The following SRPRB variants were observed in gnomAD, a reference collection of about 807,000 sequenced individuals.
The protein encoded by SRPRB is signal recognition particle receptor subunit beta.
SRPRB carries 20 observed loss-of-function variants against 31.9 expected under a neutral mutation model. That is an observed-to-expected ratio of 0.63 (90% CI 0.44 to 0.91). SRPRB has a LOEUF of 0.91. Ranked by LOEUF, SRPRB falls within the 40% of genes least tolerant of loss-of-function variation. SRPRB has a pLI of 0.00. For synonymous variants in SRPRB, 146 were observed against 132.8 expected, an observed-to-expected ratio of 1.10 and a Z score of -0.68; for missense variants, 321 against 324.9, an observed-to-expected ratio of 0.99 and a Z score of 0.09.
rs201423757 is a variant in SRPRB at position 133,809,882 on chromosome 3, T to C, written c.328-1235T>C. On this transcript the variant is annotated intron_variant, in intron 3 of 6. Coordinates refer to ENST00000678299, the MANE Select transcript of SRPRB (RefSeq NM_001379313.1). The stretch of plus-strand genomic sequence containing the variant: ...CCAATTTCTTTTTACTTTTTTATTA[T>C]GGTTACTGGAATATTTAAAATTACA... 6.6e-5 allele frequency among the ~76,000 whole-genome samples: 10 copies of C among 152,304 alleles called. No individual in the cohort carries two copies. In the East Asian group the frequency reaches 1.9e-3, roughly 29 times the overall value.
At chr3:133,822,898 C>T (rs544701968), downstream of SRPRB, among the ~76,000 whole-genome samples, 26 of 152,320 alleles carry the variant, frequency 1.7e-4, no homozygotes, top group African/African-American at 5.8e-4. Flanking sequence ...CTGTAAACCT[C>T]GAGAAACTTG....
chr3:133,802,122 A>G (rs1935071090), upstream of SRPRB, among the ~76,000 whole-genome samples: 1 of 152,218 alleles, frequency 6.6e-6, no homozygotes, highest in African/African-American at 2.4e-5. Context: ...TTAATACATT[A>G]GGCAGGGCGT....
At chr3:133,828,521 T>C, downstream of SRPRB, 1 of 482,192 alleles carries the variant, frequency 2.1e-6, no homozygotes, top group Non-Finnish European at 3.6e-6. Flanking sequence ...AAATTTTTTT[T>C]AAATTTTAAC....
intron 1 of SRPRB, chr3:133,787,085 G>GC (rs1338850612): frequency 6.6e-6 from 1 of 152,190 alleles, no homozygotes; most frequent in Admixed American, 6.5e-5. Flanking sequence ...CATTTCACTT[G>GC]CCATTTTTCT....
chr3:133,787,157 A>G (rs1188930893), intron 1 of SRPRB: 1 of 152,144 alleles, frequency 6.6e-6, no homozygotes, highest in Non-Finnish European at 1.5e-5. Context: ...AATGAGTCCT[A>G]ATTTTGCAAC....
At chr3:133,801,981 T>A (rs1378526206), upstream of SRPRB, among the ~76,000 whole-genome samples, 1 of 150,256 alleles carries the variant, frequency 6.7e-6, no homozygotes, top group Non-Finnish European at 1.5e-5. Flanking sequence ...GTTAAGTAGA[T>A]AGAAGCCCAA....
At chr3:133,787,839 T>G (rs573536931) in intron 1 of SRPRB, 9 of 152,378 alleles carry the variant, frequency 5.9e-5, no homozygotes, top group African/African-American at 2.2e-4. Context: ...CTAAAGAGGT[T>G]GCCAATGTAT....
intron 1 of SRPRB, chr3:133,788,791 A>C (rs975064177): frequency 2.0e-5 from 3 of 152,218 alleles, no homozygotes; most frequent in African/African-American, 7.2e-5. Context: ...GGCGCAGCTC[A>C]GGGCAAACTT....
upstream of SRPRB, among the ~76,000 whole-genome samples, chr3:133,803,781 A>G (rs927287884): frequency 1.3e-5 from 2 of 151,322 alleles, no homozygotes; most frequent in African/African-American, 4.9e-5. Context: ...CTCCTGCCTC[A>G]GTCTCCCAAG....
chr3:133,824,408 G>A (rs929876756), downstream of SRPRB: 3 of 152,196 alleles, frequency 2.0e-5, no homozygotes, highest in African/African-American at 7.2e-5. Flanking sequence ...GATGGGTGAG[G>A]GGAAAGTGAG....
At chr3:133,811,793 A>G (rs1434852629) in intron 4 of SRPRB, among the ~76,000 whole-genome samples, 1 of 152,096 alleles carries the variant, frequency 6.6e-6, no homozygotes, top group Non-Finnish European at 1.5e-5. Context: ...CATGTTGGCC[A>G]GGCTTGTCTC....
At chr3:133,819,315 T>C (rs1013646581) in intron 6 of SRPRB, among the ~76,000 whole-genome samples, 5 of 152,156 alleles carry the variant, frequency 3.3e-5, no homozygotes, top group African/African-American at 1.2e-4. Context: ...TGACCTGGTC[T>C]ACTGCTGACC....
At chr3:133,808,279 G>A (rs934273228) in intron 3 of SRPRB, among the ~76,000 whole-genome samples, 4 of 150,910 alleles carry the variant, frequency 2.7e-5, no homozygotes, top group African/African-American at 2.4e-5. Flanking sequence ...GTAGTCTTCC[G>A]GATGTTCTGT....
chr3:133,821,058 G>C lies in SRPRB; in HGVS notation c.*1292G>C, dbSNP rs1935463122. The C allele has an allele frequency of 6.6e-6, 1 of 152,490 alleles. No homozygotes were observed. Among genetic ancestry groups the C allele is most frequent in the African/African-American group, 2.4e-5 (1 of 41,460 alleles). 9.4% of individuals were successfully genotyped at this position (152,490 alleles called of 1,614,324 possible). A position where few individuals can be genotyped will look rare whatever the true frequency, so the allele number is the denominator to read the frequency against. Reference sequence around the variant, plus strand: ...ACCCCACCTGGCCTTGAGGATCAGGGGGAGTCAAAGGATAAAGCATGGGGC... The same window carrying C: ...ACCCCACCTGGCCTTGAGGATCAGGCGGAGTCAAAGGATAAAGCATGGGGC... On this transcript the variant is annotated 3_prime_UTR_variant, in exon 7 of 7. Coordinates refer to ENST00000678299, the MANE Select transcript of SRPRB (RefSeq NM_001379313.1).
downstream of SRPRB, chr3:133,827,952 C>A: frequency 1.4e-6 from 1 of 703,002 alleles, no homozygotes. Context: ...AGTCTATAAA[C>A]CACGCACCAC....
At chr3:133,786,222 T>TAAAAAAAAAAAAAAAAAAAAAAA (rs1553742153) in intron 1 of SRPRB, 2 of 84,352 alleles carry the variant, frequency 2.4e-5, no homozygotes, top group African/African-American at 7.9e-5. Context: ...AAAAATAAAT[T>TAAAAAAAAAAAAAAAAAAAAAAA]AAAAAAAAAA....
At chr3:133,801,367 T>C (rs575075337), upstream of SRPRB, among the ~76,000 whole-genome samples, 38 of 152,266 alleles carry the variant, frequency 2.5e-4, no homozygotes, top group African/African-American at 8.7e-4. Flanking sequence ...TGGAGATGGG[T>C]GAGTACAGGG....
In SRPRB at chr3:133,819,979, C is replaced by T; in HGVS notation, c.*213C>T. 1.9e-6 allele frequency: 1 copy of T among 535,414 alleles called. No individual in the cohort carries two copies. Among genetic ancestry groups the T allele is most frequent in the South Asian group, 2.2e-5 (1 of 45,226 alleles). 33.2% of individuals were successfully genotyped at this position (535,414 alleles called of 1,614,324 possible). ...TTATGGCTGCCTTTCAAACAAGTAC[C>T]TTTTATCTGATGCCTGTATCTTCCC... On this transcript the variant is annotated 3_prime_UTR_variant, in exon 7 of 7. Coordinates refer to ENST00000678299, the MANE Select transcript of SRPRB (RefSeq NM_001379313.1).
At chr3:133,816,772 G>A (rs1935373559) in intron 5 of SRPRB, 106 bp from the exon 6 acceptor site, 2 of 821,710 alleles carry the variant, frequency 2.4e-6, no homozygotes. Context: ...TTTAAAAAAA[G>A]AGAAAAACTT....
Sources: gnomAD v4.1 joint callset for allele counts (sites outside exome capture counted in the v4.1 genomes callset) on GRCh38, gnomAD v4.1.1 for gene constraint, MANE v1.5 for transcripts, NCBI Gene and HGNC (gene_info 2026-07-23, HGNC 2026-07-21) for gene names.